Variants in CASR observed in about 807,000 individuals in gnomAD.
CASR encodes extracellular calcium-sensing receptor.
Under a neutral mutation model 69.1 loss-of-function variants are expected in CASR, and 23 were observed. That is an observed-to-expected ratio of 0.33 (90% CI 0.24 to 0.47). CASR has a LOEUF of 0.47. CASR is among the 20% of genes least tolerant of loss of function. The probability of loss-of-function intolerance (pLI) is 1.00; values close to 1 mark genes in which losing one functional copy is unlikely to be tolerated. For synonymous variants in CASR, 541 were observed against 544.7 expected, an observed-to-expected ratio of 0.99 and a Z score of 0.10; for missense variants, 924 against 1,356.1, an observed-to-expected ratio of 0.68 and a Z score of 5.00.
At chr3:122,193,259 C>T (rs2073856629) in intron 1 of CASR, among the ~76,000 whole-genome samples, 1 of 151,816 alleles carries the variant, frequency 6.6e-6, no homozygotes, top group Admixed American at 6.6e-5. Flanking sequence ...CTCTGTCACC[C>T]AGTCTATAGT....
intron 2 of CASR, among the ~76,000 whole-genome samples, chr3:122,255,117 C>T (rs1413260723): frequency 2.6e-5 from 4 of 152,126 alleles, no homozygotes; most frequent in African/African-American, 9.7e-5. Context: ...CTTTCCAGAC[C>T]CGTCATCATC....
intron 1 of CASR, among the ~76,000 whole-genome samples, chr3:122,208,427 T>G (rs2074030277): frequency 3.9e-5 from 6 of 152,224 alleles, no homozygotes; most frequent in Admixed American, 3.9e-4. Context: ...AAACCTTACA[T>G]GCTTGATATA....
chr3:122,275,985 G>T lies in CASR; in HGVS notation c.1551G>T (p.Lys517Asn), dbSNP rs778647030. The T allele has an allele frequency of 1.9e-6, 3 of 1,614,032 alleles. No individual in the cohort carries two copies. In the South Asian group the frequency reaches 3.3e-5, roughly 18 times the overall value. ...EVGYYNVYAKKGERLFINEEK... is the reference protein window; with the variant it reads ...EVGYYNVYAKNGERLFINEEK... ...GGTATTACAACGTCTATGCCAAGAA[G>T]GGAGAAAGACTCTTCATCAACGAGG... Residue 517 changes from lysine (K) to asparagine (N), a missense_variant, in exon 5 of 7, where the codon AAG (lysine) becomes AAT (asparagine). Lys to Asn is a moderately conservative substitution (Grantham distance 94). This residue lies in a region of CASR where 310 missense variants were observed against 395.7 expected (regional missense o/e 0.78). Transcript: ENST00000639785.
chr3:122,263,560 A>G (rs898053037), intron 4 of CASR, among the ~76,000 whole-genome samples: 1 of 152,236 alleles, frequency 6.6e-6, no homozygotes, highest in Non-Finnish European at 1.5e-5. Flanking sequence ...CCCAACCACC[A>G]CAAACCCTTT....
Position 122,262,210 on chromosome 3 carries a change from G to A in CASR, c.1175G>A (p.Arg392Gln), listed in dbSNP as rs1287075426. Residue 392 changes from arginine (R) to glutamine (Q), a missense_variant, in exon 4 of 7, where the codon CGA becomes CAA. By Grantham distance (43) the Arg-to-Gln change is conservative. Coordinates refer to ENST00000639785, the MANE Select transcript of CASR (RefSeq NM_000388.4). ...DRFSNSSTAF[R>Q]PLCTGDENIS... ...TTTAGCAACAGCTCGACAGCCTTCC[G>A]ACCCCTCTGTACAGGGGATGAGAAC... 5.0e-6 allele frequency: 8 copies of A among 1,614,058 alleles called. No individual in the cohort carries two copies. The highest frequency in any genetic ancestry group is 5.9e-6 in the Non-Finnish European group (7 of 1,179,918).
At chr3:122,228,285 C>T (rs2074245371) in intron 1 of CASR, among the ~76,000 whole-genome samples, 1 of 152,198 alleles carries the variant, frequency 6.6e-6, no homozygotes, top group African/African-American at 2.4e-5. Context: ...AAATTAGTTT[C>T]ACTGTACATG....
chr3:122,230,862 T>TTC (rs1270920656), intron 1 of CASR, among the ~76,000 whole-genome samples: 14 of 152,050 alleles, frequency 9.2e-5, no homozygotes, highest in Admixed American at 6.5e-4. Context: ...TCCACTAGAC[T>TTC]TCTTCAGCCA....
chr3:122,216,735 T>C (rs1305227560), intron 1 of CASR, among the ~76,000 whole-genome samples: 1 of 152,214 alleles, frequency 6.6e-6, no homozygotes, highest in Non-Finnish European at 1.5e-5. Flanking sequence ...GTTATTATTA[T>C]TAATACAAGG....
At chr3:122,231,869 G>T (rs2074282192) in intron 1 of CASR, among the ~76,000 whole-genome samples, 1 of 152,074 alleles carries the variant, frequency 6.6e-6, no homozygotes, top group South Asian at 2.1e-4. Flanking sequence ...CGACGGGCTT[G>T]AGCAGTACCG....
chr3:122,276,814 C>T lies in CASR; in HGVS notation c.1608+772C>T, dbSNP rs559737446. Among the ~76,000 whole-genome samples, 45 of 152,318 alleles carry T rather than the reference C, an allele frequency of 3.0e-4. No individual in the cohort carries two copies. In the South Asian group the frequency reaches 6.6e-3, roughly 22 times the overall value. On this transcript the variant is annotated intron_variant, in intron 5 of 6. Coordinates refer to ENST00000639785, the MANE Select transcript of CASR (RefSeq NM_000388.4). ...CCTGTTAATAACCAGAAGCCCACCC[C>T]TCAGTCAATTTGCACTTGAGGAAGA...
intron 1 of CASR, among the ~76,000 whole-genome samples, chr3:122,185,168 T>A (rs1171450232): frequency 6.6e-6 from 1 of 152,234 alleles, no homozygotes; most frequent in Non-Finnish European, 1.5e-5. Flanking sequence ...CATATGTTTC[T>A]TTTTTTAAGT....
chr3:122,206,505 A>G (rs1430392239), intron 1 of CASR, among the ~76,000 whole-genome samples: 2 of 151,846 alleles, frequency 1.3e-5, no homozygotes, highest in Non-Finnish European at 2.9e-5. Flanking sequence ...TTTTACATCT[A>G]TGTCTATCAG....
intron 4 of CASR, among the ~76,000 whole-genome samples, chr3:122,267,293 A>G (rs1429396601): frequency 6.6e-6 from 1 of 152,270 alleles, no homozygotes; most frequent in Non-Finnish European, 1.5e-5. Flanking sequence ...CTTGGTAAGC[A>G]TAATAATTTA....
At chr3:122,228,198 G>T (rs2074244129) in intron 1 of CASR, among the ~76,000 whole-genome samples, 1 of 152,136 alleles carries the variant, frequency 6.6e-6, no homozygotes, top group Admixed American at 6.5e-5. Flanking sequence ...AAGTATCATG[G>T]GGCTAACACT....
chr3:122,241,540 AG>A (rs1370466860), intron 1 of CASR, among the ~76,000 whole-genome samples: 1 of 152,134 alleles, frequency 6.6e-6, no homozygotes, highest in Non-Finnish European at 1.5e-5. Context: ...CACAATAAAA[AG>A]TCTCCTAGTA....
At chr3:122,227,741 G>A (rs558475353) in intron 1 of CASR, among the ~76,000 whole-genome samples, 1 of 152,210 alleles carries the variant, frequency 6.6e-6, no homozygotes, top group Admixed American at 6.5e-5. Flanking sequence ...TCACCTCTCA[G>A]TAGGAGCACT....
chr3:122,186,507 ATAGAGTGCCTGGC>A (rs2073785226), intron 1 of CASR, among the ~76,000 whole-genome samples: 1 of 152,356 alleles, frequency 6.6e-6, no homozygotes, highest in African/African-American at 2.4e-5. Flanking sequence ...CAAAATGTTT[ATAGAGTGCCTGGC>A]TATGTGCCAG....
At chr3:122,274,556 C>T (rs568931722) in intron 4 of CASR, among the ~76,000 whole-genome samples, 1 of 152,218 alleles carries the variant, frequency 6.6e-6, no homozygotes, top group Admixed American at 6.5e-5. Context: ...TGGACTCAGC[C>T]CAAATGTTGT....
chr3:122,185,380 C>T (rs1035760660), intron 1 of CASR, among the ~76,000 whole-genome samples: 4 of 152,178 alleles, frequency 2.6e-5, no homozygotes, highest in African/African-American at 9.7e-5. Context: ...CCTCTCTTGT[C>T]CTCAAATATT....
Sources: allele counts gnomAD v4.1 joint callset (sites outside exome capture counted in the v4.1 genomes callset), GRCh38; gene constraint gnomAD v4.1.1; regional missense constraint gnomAD v4.1.1; transcripts MANE v1.5; gene names NCBI Gene and HGNC (gene_info 2026-07-23, HGNC 2026-07-21).